Variants in ZNF83 observed in about 807,000 individuals in gnomAD.
ZNF83 encodes zinc finger protein 83, also known as zinc finger protein 816B.
For missense variants in ZNF83, 552 were observed against 629.9 expected (o/e 0.88, Z 1.32); for synonymous variants, 209 against 213.0 (o/e 0.98, Z 0.17).
chr19:52,674,068 C>T (rs1568577379), intron 1 of ZNF83: 1 of 150,820 alleles, frequency 6.6e-6, no homozygotes, highest in Non-Finnish European at 1.5e-5. Flanking sequence ...TTGGAAAGCA[C>T]CACACATTTG....
intron 2 of ZNF83, among the ~76,000 whole-genome samples, chr19:52,628,535 C>G (rs1237699890): frequency 6.6e-6 from 1 of 152,134 alleles, no homozygotes; most frequent in Non-Finnish European, 1.5e-5. Context: ...GTAGGGAAGG[C>G]AGCCTTCCCT....
At chr19:52,625,050 C>T (rs934792866) in intron 2 of ZNF83, among the ~76,000 whole-genome samples, 2 of 151,952 alleles carry the variant, frequency 1.3e-5, no homozygotes, top group Admixed American at 6.6e-5. Flanking sequence ...CCCCTCCTTT[C>T]GTGTTCCTCA....
intron 1 of ZNF83, among the ~76,000 whole-genome samples, chr19:52,672,489 TGTAATCCGA>T (rs1162812192): frequency 6.6e-6 from 1 of 152,232 alleles, no homozygotes; most frequent in East Asian, 1.9e-4. Flanking sequence ...GGCTTGTGCC[TGTAATCCGA>T]GCATGATGGG....
chr19:52,678,191 G>C (rs1419295248), intron 1 of ZNF83, among the ~76,000 whole-genome samples: 1 of 152,026 alleles, frequency 6.6e-6, no homozygotes, highest in African/African-American at 2.4e-5. Flanking sequence ...GGTGGCTCAA[G>C]CCTGTAATCC....
intron 3 of ZNF83, chr19:52,654,346 TCTC>T (rs2061479967): frequency 3.7e-6 from 5 of 1,355,994 alleles, no homozygotes; most frequent in Non-Finnish European, 4.1e-6. Context: ...GTGGATCACT[TCTC>T]CTGTATTACC....
At chr19:52,689,935 G>A (rs2062119366) in intron 1 of ZNF83, among the ~76,000 whole-genome samples, 1 of 152,222 alleles carries the variant, frequency 6.6e-6, no homozygotes, top group Non-Finnish European at 1.5e-5. Flanking sequence ...CTGCGGAGGA[G>A]AGACCTGGGG....
intron 2 of ZNF83, among the ~76,000 whole-genome samples, chr19:52,615,096 A>G (rs977885196): frequency 6.6e-6 from 1 of 152,170 alleles, no homozygotes; most frequent in African/African-American, 2.4e-5. Flanking sequence ...ATTTTTTCCA[A>G]CATGAAGCCT....
exon 3 of ZNF83, chr19:52,614,133 A>G: frequency 1.9e-6 from 3 of 1,614,172 alleles, no homozygotes; most frequent in Non-Finnish European, 2.5e-6. Context: ...GCTTCTCTCC[A>G]GTATGAATTC....
At chr19:52,652,396 C>G in intron 3 of ZNF83, 1 of 345,238 alleles carries the variant, frequency 2.9e-6, no homozygotes, top group Non-Finnish European at 5.6e-6. Flanking sequence ...GATCACGCCA[C>G]TGCACCCCAG....
chr19:52,648,459 AAAG>A (rs2061402320), intron 3 of ZNF83, among the ~76,000 whole-genome samples: 1 of 152,110 alleles, frequency 6.6e-6, no homozygotes, highest in African/African-American at 2.4e-5. Context: ...AGGAAAAAAA[AAAG>A]AGAGAGAGAG....
chr19:52,626,418 C>T (rs905267237), intron 2 of ZNF83, among the ~76,000 whole-genome samples: 1 of 152,156 alleles, frequency 6.6e-6, no homozygotes, highest in Non-Finnish European at 1.5e-5. Flanking sequence ...TCAGTCTGGC[C>T]TGGTATATGA....
intron 1 of ZNF83, among the ~76,000 whole-genome samples, chr19:52,688,230 G>A (rs2062080447): frequency 6.6e-6 from 1 of 152,036 alleles, no homozygotes; most frequent in South Asian, 2.1e-4. Flanking sequence ...CAGTGCAGTG[G>A]CATGATCTTG....
upstream of ZNF83, among the ~76,000 whole-genome samples, chr19:52,638,977 C>G (rs565904601): frequency 6.6e-6 from 1 of 152,156 alleles, no homozygotes; most frequent in Non-Finnish European, 1.5e-5. Flanking sequence ...CCTTCCTCGT[C>G]TCTCTCTCTC....
intron 1 of ZNF83, among the ~76,000 whole-genome samples, chr19:52,683,528 A>ACCCCCACTCTG (rs1216197668): frequency 1.2e-5 from 1 of 82,730 alleles, no homozygotes; most frequent in Non-Finnish European, 2.3e-5. Flanking sequence ...ATCCAAAGGG[A>ACCCCCACTCTG]AGGGCAAAGT....
At chr19:52,680,126 A>T (rs1435625196) in intron 1 of ZNF83, among the ~76,000 whole-genome samples, 1 of 151,998 alleles carries the variant, frequency 6.6e-6, no homozygotes. Flanking sequence ...TTGTGGTAAG[A>T]AGAGATCACA....
chr19:52,659,276 G>A (rs868397790), intron 2 of ZNF83, among the ~76,000 whole-genome samples: 1 of 152,092 alleles, frequency 6.6e-6, no homozygotes, highest in Non-Finnish European at 1.5e-5. Flanking sequence ...CGCGACCCCC[G>A]AAAACAAAGG....
intron 1 of ZNF83, among the ~76,000 whole-genome samples, chr19:52,685,710 A>C (rs938900570): frequency 6.6e-6 from 1 of 152,044 alleles, no homozygotes; most frequent in Non-Finnish European, 1.5e-5. Context: ...CAGCCTGGCA[A>C]ACATGGTGAA....
chr19:52,683,152 G>A (rs1052694217), intron 1 of ZNF83, among the ~76,000 whole-genome samples: 16 of 152,098 alleles, frequency 1.1e-4, no homozygotes, highest in African/African-American at 3.9e-4. Context: ...TTACAGGGGT[G>A]AGCCACCACA....
Position 52,613,534 on chromosome 19 carries a change from G to A in ZNF83, c.1031C>T (p.Pro344Leu), listed in dbSNP as rs1291115034. 8 of 1,613,844 alleles carry A rather than the reference G, an allele frequency of 5.0e-6. No individual in the cohort carries two copies. The African/African-American group carries it at 5.3e-5, about 11-fold the overall frequency. ...CTTGCCACATTCATTACATTTGTAA[G>A]GTTTCTCTCCAGTGTGGATTCTCCA... The change falls in exon 3 of 3, where the codon CCT becomes CTT. Residue 344 changes from proline to leucine, a missense_variant. Transcript: ENST00000301096.
Sources: gnomAD v4.1 joint callset for allele counts (sites outside exome capture counted in the v4.1 genomes callset) on GRCh38, gnomAD v4.1.1 for gene constraint, MANE v1.5 for transcripts, NCBI Gene and HGNC (gene_info 2026-07-23, HGNC 2026-07-21) for gene names.